Variants in ZNF519 observed in about 807,000 individuals in gnomAD.
ZNF519 encodes similar to Zinc finger protein 85 (Zinc finger protein HPF4) (HTF1).
A neutral mutation model predicts 7.4 loss-of-function variants in ZNF519; 7 were observed. The ratio of observed to expected loss-of-function variants is 0.94; its 90% CI spans 0.54 to 1.77. The LOEUF is 1.77. ZNF519 is among the 40% of genes most tolerant of loss of function. The pLI is 0.00. For synonymous variants in ZNF519, 179 were observed against 203.3 expected, an observed-to-expected ratio of 0.88 and a Z score of 1.02; for missense variants, 586 against 623.1, an observed-to-expected ratio of 0.94 and a Z score of 0.63.
chr18:14,083,373 G>A (rs993672809), intron 3 of ZNF519, among the ~76,000 whole-genome samples: 9 of 151,818 alleles, frequency 5.9e-5, no homozygotes, highest in East Asian at 1.9e-4. Flanking sequence ...AAAAACAAAC[G>A]AACAAACAAA....
At chr18:14,112,994 T>C (rs2046229354) in intron 2 of ZNF519, among the ~76,000 whole-genome samples, 1 of 152,180 alleles carries the variant, frequency 6.6e-6, no homozygotes, top group South Asian at 2.1e-4. Context: ...TTTATGTGGC[T>C]GGCTTATTTT....
intron 3 of ZNF519, among the ~76,000 whole-genome samples, chr18:14,080,998 G>A (rs916842185): frequency 2.6e-5 from 4 of 152,186 alleles, no homozygotes; most frequent in Non-Finnish European, 4.4e-5. Context: ...GAAACAATTA[G>A]TGGAGTTTGT....
At chr18:14,115,847 A>C (rs529391494) in intron 2 of ZNF519, among the ~76,000 whole-genome samples, 1 of 152,354 alleles carries the variant, frequency 6.6e-6, no homozygotes, top group South Asian at 2.1e-4. Context: ...TACCTAAAGT[A>C]GTTAAACTCC....
intron 2 of ZNF519, 155 bp downstream of exon 2, chr18:14,124,195 A>AT: frequency 1.7e-6 from 1 of 593,534 alleles, no homozygotes; most frequent in Non-Finnish European, 2.5e-6. Flanking sequence ...AAAAAAAAAG[A>AT]TTTTCTTTTT....
At chr18:14,093,166 G>A (rs889262170) in intron 2 of ZNF519, among the ~76,000 whole-genome samples, 10 of 152,164 alleles carry the variant, frequency 6.6e-5, no homozygotes, top group African/African-American at 2.4e-4. Context: ...TTCCCAGTCT[G>A]TGCGAAAGGG....
In ZNF519 at chr18:14,105,281, G is replaced by T. The variant is rs368200389; in HGVS notation, c.1259C>A (p.Thr420Asn). The change falls in exon 3 of 3, where the codon ACT (threonine) becomes AAT (asparagine). Residue 420 changes from threonine to asparagine, a missense_variant. Thr to Asn is a moderately conservative substitution (Grantham distance 65, BLOSUM62 0). Transcript: ENST00000590202. ...TCCAGTATGGATTCTCTGATGTTGA[G>T]TAAGGTGTGAAGCTCTGTTAAAAGC... ...GKAFNRASHL[T>N]QHQRIHTGEK... is the part of the protein sequence containing the mutation. The T allele has an allele frequency of 6.2e-7, 1 of 1,613,802 alleles. No individual in the cohort carries two copies. The highest frequency in any genetic ancestry group is 1.7e-5 in the Admixed American group (1 of 60,006).
rs572540261 is a variant in ZNF519 at position 14,104,680 on chromosome 18, T to C, written c.*237A>G. ...TCTTTTTAAACATACAATTTAATTA[T>C]CTAATTGAGTTTGAATTATTTGTTA... On this transcript the variant is annotated 3_prime_UTR_variant, in exon 3 of 3. Transcript: ENST00000590202. 37 of 386,930 alleles carry C rather than the reference T, an allele frequency of 9.6e-5. No individual in the cohort carries two copies. Among genetic ancestry groups the C allele is most frequent in the Non-Finnish European group, 1.6e-4 (34 of 219,274 alleles). The allele number at this position is 386,930 out of a possible 1,614,324, so 24.0% of individuals were successfully genotyped here. A position where few individuals can be genotyped will look rare whatever the true frequency, so the allele number is the denominator to read the frequency against.
At chr18:14,126,513 C>A (rs966224395) in intron 1 of ZNF519, among the ~76,000 whole-genome samples, 1 of 152,202 alleles carries the variant, frequency 6.6e-6, no homozygotes, top group Non-Finnish European at 1.5e-5. Flanking sequence ...GCTTAAGTCT[C>A]CTCTACACCT....
chr18:14,094,547 T>C (rs1312266831), intron 2 of ZNF519, among the ~76,000 whole-genome samples: 1 of 150,624 alleles, frequency 6.6e-6, no homozygotes, highest in Non-Finnish European at 1.5e-5. Flanking sequence ...ATAAAGTTTG[T>C]GTCCTTCATT....
At chr18:14,125,125 G>A (rs1432059128) in intron 1 of ZNF519, among the ~76,000 whole-genome samples, 1 of 152,154 alleles carries the variant, frequency 6.6e-6, no homozygotes, top group Non-Finnish European at 1.5e-5. Flanking sequence ...CTCAGCTAGA[G>A]AAAGCAGGCA....
intron 2 of ZNF519, among the ~76,000 whole-genome samples, chr18:14,114,471 C>G (rs942649911): frequency 6.6e-6 from 1 of 152,184 alleles, no homozygotes; most frequent in Non-Finnish European, 1.5e-5. Flanking sequence ...TCTCTGCGTT[C>G]TCTCTACTGT....
At chr18:14,097,624 G>A (rs2046142236), downstream of ZNF519, among the ~76,000 whole-genome samples, 1 of 152,184 alleles carries the variant, frequency 6.6e-6, no homozygotes, top group African/African-American at 2.4e-5. Flanking sequence ...GTTTAGAATG[G>A]TAAAATCAAG....
intron 2 of ZNF519, among the ~76,000 whole-genome samples, chr18:14,115,749 T>C (rs768771612): frequency 6.6e-6 from 1 of 152,228 alleles, no homozygotes; most frequent in African/African-American, 2.4e-5. Flanking sequence ...AATGTTGTTA[T>C]ATTCACAATA....
rs539754876 is a variant in ZNF519 at position 14,081,163 on chromosome 18, G to C, written c.*178-2865C>G. On this transcript the variant is annotated intron_variant and NMD_transcript_variant, in intron 3 of 4. Transcript: ENST00000587419. ...AACTGTAATGCAAACTATTGACTTT[G>C]GGTGATAATGTATCAATATAGACTC... Among the ~76,000 whole-genome samples the C allele has an allele frequency of 2.6e-5, 4 of 152,230 alleles. No homozygotes were observed. The East Asian group carries it at 7.7e-4, about 29-fold the overall frequency.
chr18:14,113,050 A>G (rs966139548), intron 2 of ZNF519, among the ~76,000 whole-genome samples: 3 of 152,226 alleles, frequency 2.0e-5, no homozygotes, highest in African/African-American at 7.2e-5. Flanking sequence ...TGCCAACAAC[A>G]GGATCTTATT....
chr18:14,119,893 T>G (rs116144743), intron 2 of ZNF519, among the ~76,000 whole-genome samples: 2,376 of 152,296 alleles, frequency 0.016, 64 homozygotes, highest in African/African-American at 0.055. Context: ...ATTTATACAT[T>G]AAATACAGTA....
At chr18:14,126,705 A>C (rs939190669) in intron 1 of ZNF519, among the ~76,000 whole-genome samples, 4 of 152,214 alleles carry the variant, frequency 2.6e-5, no homozygotes, top group African/African-American at 9.7e-5. Flanking sequence ...TTCACCAAAG[A>C]ACCAGAAAAC....
intron 1 of ZNF519, among the ~76,000 whole-genome samples, chr18:14,131,778 T>C (rs934304336): frequency 3.0e-4 from 45 of 152,066 alleles, no homozygotes; most frequent in African/African-American, 1.1e-3. Flanking sequence ...AATTATTTAA[T>C]TGTCTTTGCT....
intron 3 of ZNF519, among the ~76,000 whole-genome samples, chr18:14,081,504 T>G (rs1053338944): frequency 1.3e-5 from 2 of 152,214 alleles, no homozygotes; most frequent in African/African-American, 4.8e-5. Flanking sequence ...GCTGGGCAGA[T>G]GTCCTTGCAG....
Sources: allele counts gnomAD v4.1 joint callset (sites outside exome capture counted in the v4.1 genomes callset), GRCh38; gene constraint gnomAD v4.1.1; transcripts MANE v1.5; gene names NCBI Gene and HGNC (gene_info 2026-07-23, HGNC 2026-07-21).